Variants in CHD6 observed in about 807,000 individuals in gnomAD.
CHD6 encodes ATP-dependent chromatin remodeler CHD6.
Under a neutral mutation model 276.9 loss-of-function variants are expected in CHD6, and 50 were observed. The observed-to-expected ratio is 0.18, with a 90% CI of 0.14 to 0.23. The LOEUF (loss-of-function observed/expected upper bound fraction) is 0.23, where lower values mean the gene tolerates loss of function less well. CHD6 is among the 10% of genes least tolerant of loss of function. The pLI is 1.00. For missense variants in CHD6, 2,564 were observed against 3,365.8 expected (o/e 0.76, Z 5.89); for synonymous variants, 1,173 against 1,229.3 (o/e 0.95, Z 0.96).
intron 1 of CHD6, among the ~76,000 whole-genome samples, chr20:41,615,518 T>TG (rs1003240401): frequency 3.8e-4 from 58 of 152,346 alleles, no homozygotes; most frequent in African/African-American, 1.4e-3. Context: ...GCATGAGCAA[T>TG]GAAGTATAAG....
intron 13 of CHD6, among the ~76,000 whole-genome samples, chr20:41,488,178 A>G (rs2043463810): frequency 6.6e-6 from 1 of 152,200 alleles, no homozygotes; most frequent in Admixed American, 6.5e-5. Flanking sequence ...TTTCCAAGTC[A>G]TATATTTCAT....
At chr20:41,490,212 C>T (rs1184413838) in intron 11 of CHD6, among the ~76,000 whole-genome samples, 191 bp from the exon 12 acceptor site, 1 of 152,068 alleles carries the variant, frequency 6.6e-6, no homozygotes, top group Non-Finnish European at 1.5e-5. Context: ...CAGAACCATG[C>T]TAATTTGGGA....
rs140840318 is a variant in CHD6, at chr20:41,610,985, A to G, written c.-24+7355T>C. On this transcript the variant is annotated intron_variant, in intron 1 of 36. Transcript: ENST00000373233. Reference sequence around the variant, plus strand: ...AAAGCTTCAAAAGTCATGTTGAAAGACATCATGCATGTTAGTAATAGACAG... The same window carrying G: ...AAAGCTTCAAAAGTCATGTTGAAAGGCATCATGCATGTTAGTAATAGACAG... 9.4e-3 allele frequency among the ~76,000 whole-genome samples: 1,430 copies of G among 152,298 alleles called. 7 individuals are homozygous for G. The highest frequency in any genetic ancestry group is 0.013 in the Non-Finnish European group (905 of 68,022).
At chr20:41,488,733 T>A (rs2043477489) in intron 12 of CHD6, 129 bp from the exon 13 acceptor site, 6 of 733,326 alleles carry the variant, frequency 8.2e-6, no homozygotes, top group African/African-American at 1.8e-5. Flanking sequence ...CTGCTTTTCC[T>A]CATGTGAGAA....
chr20:41,495,110 G>A (rs953343100), intron 8 of CHD6, among the ~76,000 whole-genome samples: 43 of 151,382 alleles, frequency 2.8e-4, no homozygotes, highest in African/African-American at 1.0e-3. Context: ...GATACGAAAA[G>A]CTAATACTTA....
chr20:41,518,040 A>G (rs2044293426), intron 3 of CHD6, among the ~76,000 whole-genome samples: 1 of 152,248 alleles, frequency 6.6e-6, no homozygotes, highest in African/African-American at 2.4e-5. Flanking sequence ...ATAGATGTTG[A>G]TAGTTTTTTA....
At chr20:41,527,993 C>A (rs950113208) in intron 3 of CHD6, among the ~76,000 whole-genome samples, 1 of 152,136 alleles carries the variant, frequency 6.6e-6, no homozygotes, top group African/African-American at 2.4e-5. Flanking sequence ...GATTCCAGTG[C>A]CATACTGTTG....
In CHD6 at chr20:41,422,965, T is replaced by C. The variant is rs146023773; in HGVS notation, c.4555+527A>G. On this transcript the variant is annotated intron_variant, in intron 30 of 36. Transcript: ENST00000373233. ...TCCCATGATCCAGAGGAACTCCATC[T>C]ACAAATACGAGGCTACAGGGAGGCC... is the stretch of plus-strand genomic sequence containing the variant. Among the ~76,000 whole-genome samples the C allele has an allele frequency of 3.3e-3, 509 of 152,318 alleles. 4 individuals carry two copies. Among genetic ancestry groups the C allele is most frequent in the African/African-American group, 0.011 (468 of 41,574 alleles).
intron 1 of CHD6, among the ~76,000 whole-genome samples, chr20:41,608,335 A>C (rs1057277076): frequency 1.3e-5 from 2 of 152,194 alleles, no homozygotes; most frequent in Non-Finnish European, 2.9e-5. Flanking sequence ...GATGTGCCAA[A>C]ACGTTTCTAG....
rs1454261806 is a variant in CHD6, at chr20:41,554,969, G to A, written c.-23-3609C>T. Among the ~76,000 whole-genome samples the A allele has an allele frequency of 4.0e-5, 6 of 151,166 alleles. No individual in the cohort carries two copies. In the South Asian group the frequency reaches 8.4e-4, roughly 21 times the overall value. ...CCAGTAGGGGCAGCCGGGCAGAGGC[G>A]CCCCTCACCTCCCGGACGGGGCGGC... On this transcript the variant is annotated intron_variant, in intron 1 of 36. Transcript: ENST00000373233.
At chr20:41,407,883 C>G (rs2046726884) in intron 36 of CHD6, among the ~76,000 whole-genome samples, 1 of 152,164 alleles carries the variant, frequency 6.6e-6, no homozygotes, top group African/African-American at 2.4e-5. Context: ...CGAAGGGCTT[C>G]AGCAGCATCT....
chr20:41,418,985 G>A (rs1298278483), intron 31 of CHD6, among the ~76,000 whole-genome samples: 1 of 152,150 alleles, frequency 6.6e-6, no homozygotes, highest in Non-Finnish European at 1.5e-5. Context: ...TCACTTGATT[G>A]CCTGGGTTTC....
chr20:41,528,207 G>A (rs959472217), intron 3 of CHD6, among the ~76,000 whole-genome samples: 1 of 152,020 alleles, frequency 6.6e-6, no homozygotes, highest in Non-Finnish European at 1.5e-5. Flanking sequence ...TCAATATAAT[G>A]AACAATTTTG....
In CHD6 at chr20:41,525,188, G is replaced by A. The variant is rs552882930; in HGVS notation, c.554+7862C>T. 1.6e-3 allele frequency among the ~76,000 whole-genome samples: 240 copies of A among 152,222 alleles called. 1 individual carries two copies. Among genetic ancestry groups the A allele is most frequent in the Middle Eastern group, 6.8e-3 (2 of 294 alleles). On this transcript the variant is annotated intron_variant, in intron 3 of 36. Coordinates refer to ENST00000373233, the MANE Select transcript of CHD6 (RefSeq NM_032221.5). ...GGCTGTCCCTCCCTCCACTTTTTAG[G>A]GTATGGGCAGGGAAGGGCAGAGAAG... is the stretch of plus-strand genomic sequence containing the variant.
intron 1 of CHD6, among the ~76,000 whole-genome samples, chr20:41,587,706 G>A (rs2045610208): frequency 6.6e-6 from 1 of 152,130 alleles, no homozygotes; most frequent in Non-Finnish European, 1.5e-5. Context: ...CGTGTACAAA[G>A]GATAGCCTCC....
chr20:41,420,846 A>C lies in CHD6; in HGVS notation c.5789T>G (p.Phe1930Cys). 6.2e-7 allele frequency: 1 copy of C among 1,614,176 alleles called. No individual in the cohort carries two copies. The highest frequency in any genetic ancestry group is 8.5e-7 in the Non-Finnish European group (1 of 1,180,044). Residue 1930 changes from phenylalanine to cysteine, a missense_variant, in exon 31 of 37, where the codon TTC (phenylalanine) becomes TGC (cysteine). Phe to Cys is a radical substitution (Grantham distance 205, BLOSUM62 -2). Coordinates refer to ENST00000373233, the MANE Select transcript of CHD6 (RefSeq NM_032221.5). ...ANQTPGLQRA[F>C]PAPAACQCHC... Reference sequence around the variant, plus strand: ...GCACTGACAGGCTGCTGGAGCGGGGAAAGCCCTCTGTAGCCCAGGAGTCTG... The same window carrying C: ...GCACTGACAGGCTGCTGGAGCGGGGCAAGCCCTCTGTAGCCCAGGAGTCTG...
chr20:41,598,320 T>C (rs1049744006), intron 1 of CHD6, among the ~76,000 whole-genome samples: 1 of 152,146 alleles, frequency 6.6e-6, no homozygotes, highest in Admixed American at 6.5e-5. Context: ...AGTCTCTCCC[T>C]ACAATGCAAT....
Position 41,404,149 on chromosome 20 carries a change from C to T in CHD6, c.*444G>A, listed in dbSNP as rs1243679387. 1 of 1,058,938 alleles carries T rather than the reference C, an allele frequency of 9.4e-7. No individual in the cohort carries two copies. The highest frequency in any genetic ancestry group is 1.1e-6 in the Non-Finnish European group (1 of 875,938). The allele number at this position is 1,058,938 out of a possible 1,614,324, so 65.6% of individuals were successfully genotyped here. On this transcript the variant is annotated 3_prime_UTR_variant, in exon 37 of 37. Transcript: ENST00000373233. Reference sequence around the variant, plus strand: ...TGCACCAGCACTTCCTTTTTCTGTGCTTTTTGGTTCCCTGTGACATTCTTC... The same window carrying T: ...TGCACCAGCACTTCCTTTTTCTGTGTTTTTTGGTTCCCTGTGACATTCTTC...
intron 12 of CHD6, among the ~76,000 whole-genome samples, chr20:41,489,234 C>T (rs945043922): frequency 1.3e-5 from 2 of 152,136 alleles, no homozygotes; most frequent in Admixed American, 6.5e-5. Flanking sequence ...TGATTGAAAT[C>T]GTTTAATTTT....
Sources: allele counts gnomAD v4.1 joint callset (sites outside exome capture counted in the v4.1 genomes callset), GRCh38; gene constraint gnomAD v4.1.1; transcripts MANE v1.5; gene names NCBI Gene and HGNC (gene_info 2026-07-23, HGNC 2026-07-21).